Variants in SLAIN2 observed in about 807,000 individuals in gnomAD.
SLAIN2 encodes the protein SLAIN family member 2, also known as SLAIN motif-containing protein 2.
In SLAIN2, 31 loss-of-function variants were observed where a neutral mutation model predicts 56.6. The observed-to-expected ratio is 0.55, with a 90% CI of 0.41 to 0.74. SLAIN2 has a LOEUF of 0.74. Ranked by LOEUF, SLAIN2 falls within the 30% of genes least tolerant of loss-of-function variation. The probability of loss-of-function intolerance (pLI) is 0.00; values close to 1 mark genes in which losing one functional copy is unlikely to be tolerated. For missense variants in SLAIN2, 777 were observed against 754.2 expected (o/e 1.03, Z -0.35); for synonymous variants, 317 against 284.9 (o/e 1.11, Z -1.13).
At chr4:48,364,860 ACGGAGACGGGAGAGGGAGG>A (rs1366143226) in intron 1 of SLAIN2, among the ~76,000 whole-genome samples, 2 of 97,546 alleles carry the variant, frequency 2.1e-5, no homozygotes, top group East Asian at 7.0e-4. Context: ...CCGTGGGGAG[ACGGAGACGGGAGAGGGAGG>A]GGGAGGGGGA....
intron 6 of SLAIN2, among the ~76,000 whole-genome samples, chr4:48,397,472 A>G (rs1716431147): frequency 6.6e-6 from 1 of 152,234 alleles, no homozygotes. Flanking sequence ...CAGTATTTAT[A>G]GAAGACCTTA....
intron 1 of SLAIN2, among the ~76,000 whole-genome samples, chr4:48,343,174 G>A (rs1219156835): frequency 6.6e-6 from 1 of 152,198 alleles, no homozygotes; most frequent in African/African-American, 2.4e-5. Context: ...GTGTTCTGAG[G>A]TAGTTAAGAG....
In SLAIN2 at chr4:48,341,621, C is replaced by T; in HGVS notation, c.-119C>T. On this transcript the variant is annotated 5_prime_UTR_variant, in exon 1 of 8. Transcript: ENST00000264313. ...GGGACCCTGGCGGTGGGGCCTGGTC[C>T]TGCTATATGCCGGCGCCTCGGCTAG... 7 of 1,408,576 alleles carry T rather than the reference C, an allele frequency of 5.0e-6. 1 individual carries two copies. The South Asian group carries it at 1.1e-4, about 21-fold the overall frequency. 87.3% of individuals were successfully genotyped at this position (1,408,576 alleles called of 1,614,324 possible).
chr4:48,386,197 T>C (rs1716095720), intron 6 of SLAIN2, among the ~76,000 whole-genome samples: 1 of 152,154 alleles, frequency 6.6e-6, no homozygotes, highest in Non-Finnish European at 1.5e-5. Context: ...TGATATTACT[T>C]ATATAACAAA....
intron 1 of SLAIN2, among the ~76,000 whole-genome samples, chr4:48,365,970 A>G (rs902643185): frequency 6.6e-6 from 1 of 152,150 alleles, no homozygotes; most frequent in African/African-American, 2.4e-5. Flanking sequence ...ATTTTTCTCT[A>G]AGCACTTTTT....
rs375769738 is a variant in SLAIN2, at chr4:48,407,707, C to A, written c.1361-12418C>A. 5.9e-5 allele frequency among the ~76,000 whole-genome samples: 9 copies of A among 152,244 alleles called. No individual in the cohort carries two copies. In the East Asian group the frequency reaches 1.4e-3, roughly 23 times the overall value. On this transcript the variant is annotated intron_variant, in intron 6 of 7. Transcript: ENST00000264313. Reference sequence around the variant, plus strand: ...ATTTCTTTCCTTTATTCCCTCACTCCACTTTCAAAATTACCCTTTCTTAAA... The same window carrying A: ...ATTTCTTTCCTTTATTCCCTCACTCAACTTTCAAAATTACCCTTTCTTAAA...
intron 2 of SLAIN2, among the ~76,000 whole-genome samples, chr4:48,373,567 T>C (rs555723458): frequency 2.0e-5 from 3 of 152,170 alleles, no homozygotes; most frequent in Non-Finnish European, 4.4e-5. Flanking sequence ...AAATGAACAC[T>C]GTACTGGCAC....
intron 1 of SLAIN2, 91 bp from the exon 2 acceptor site, chr4:48,369,758 C>T: frequency 1.7e-6 from 2 of 1,164,194 alleles, no homozygotes; most frequent in Non-Finnish European, 2.4e-6. Flanking sequence ...TTACTCCCTT[C>T]TCCCCTATTT....
chr4:48,362,195 G>C (rs1211565391), intron 1 of SLAIN2, among the ~76,000 whole-genome samples: 3 of 151,596 alleles, frequency 2.0e-5, no homozygotes, highest in Non-Finnish European at 4.4e-5. Flanking sequence ...AAGTATGAGA[G>C]TGTACATCTT....
At chr4:48,367,332 A>G (rs1405957942) in intron 1 of SLAIN2, among the ~76,000 whole-genome samples, 1 of 152,218 alleles carries the variant, frequency 6.6e-6, no homozygotes, top group African/African-American at 2.4e-5. Flanking sequence ...TGATATAGAA[A>G]GTTGGTGTAC....
chr4:48,396,115 A>T (rs1290854144), intron 6 of SLAIN2, among the ~76,000 whole-genome samples: 2 of 152,116 alleles, frequency 1.3e-5, no homozygotes, highest in Non-Finnish European at 2.9e-5. Flanking sequence ...CTGAATTTTT[A>T]AAATTTGCCT....
intron 1 of SLAIN2, among the ~76,000 whole-genome samples, chr4:48,355,303 T>A (rs1008141183): frequency 6.6e-6 from 1 of 152,224 alleles, no homozygotes; most frequent in Non-Finnish European, 1.5e-5. Flanking sequence ...TGAGGAGGCA[T>A]AAGGGATGAT....
At chr4:48,354,920 A>G (rs1198925394) in intron 1 of SLAIN2, among the ~76,000 whole-genome samples, 8 of 150,848 alleles carry the variant, frequency 5.3e-5, no homozygotes, top group Non-Finnish European at 5.9e-5. Flanking sequence ...TTTTTTTGAG[A>G]AGGAGTCTTG....
intron 1 of SLAIN2, among the ~76,000 whole-genome samples, chr4:48,361,984 G>C (rs759260822): frequency 6.6e-6 from 1 of 152,068 alleles, no homozygotes; most frequent in Non-Finnish European, 1.5e-5. Flanking sequence ...ATAGTGTTTA[G>C]AAATACAATT....
chr4:48,371,988 A>ACACACACG (rs1553902815), intron 2 of SLAIN2, among the ~76,000 whole-genome samples: 1 of 137,922 alleles, frequency 7.3e-6, no homozygotes, highest in African/African-American at 2.6e-5. Flanking sequence ...ACACACACAC[A>ACACACACG]CGCGCGCACA....
At chr4:48,398,432 C>A (rs1334686940) in intron 6 of SLAIN2, among the ~76,000 whole-genome samples, 1 of 152,090 alleles carries the variant, frequency 6.6e-6, no homozygotes. Context: ...AAACTTTCTC[C>A]CATTCTGTAG....
chr4:48,352,664 A>C (rs150189150), intron 1 of SLAIN2, among the ~76,000 whole-genome samples: 67 of 152,354 alleles, frequency 4.4e-4, no homozygotes, highest in African/African-American at 1.5e-3. Flanking sequence ...ACAGGTTAAG[A>C]ACCATTGCCT....
chr4:48,409,067 T>A (rs932105828), intron 6 of SLAIN2, among the ~76,000 whole-genome samples: 2 of 152,148 alleles, frequency 1.3e-5, no homozygotes, highest in Admixed American at 1.3e-4. Context: ...TGTGTGTACA[T>A]AGTAGGTGTG....
chr4:48,395,409 G>C (rs1716349808), intron 6 of SLAIN2, among the ~76,000 whole-genome samples: 1 of 149,604 alleles, frequency 6.7e-6, no homozygotes, highest in African/African-American at 2.5e-5. Flanking sequence ...AAGCACTAAA[G>C]AAAATTACGC....
Sources: gnomAD v4.1 joint callset for allele counts (sites outside exome capture counted in the v4.1 genomes callset) on GRCh38, gnomAD v4.1.1 for gene constraint, MANE v1.5 for transcripts, NCBI Gene and HGNC (gene_info 2026-07-23, HGNC 2026-07-21) for gene names.